Variants in U2SURP observed in about 807,000 individuals in gnomAD.
U2SURP encodes the protein U2 snRNP associated SURP domain containing, also known as U2 snRNP-associated SURP motif-containing protein.
Under a neutral mutation model 144.9 loss-of-function variants are expected in U2SURP, and 9 were observed. The observed-to-expected ratio is 0.06, with a 90% CI of 0.04 to 0.11. The LOEUF (loss-of-function observed/expected upper bound fraction) is 0.11. Ranked by LOEUF, U2SURP falls within the 10% of genes least tolerant of loss-of-function variation. The pLI is 1.00. For synonymous variants in U2SURP, 408 were observed against 396.8 expected (o/e 1.03, Z -0.33); for missense variants, 724 against 1,226.7 (o/e 0.59, Z 6.12).
Position 143,056,445 on chromosome 3 carries a change from C to G in U2SURP, c.3085C>G (p.His1029Asp). ...RSHKKSKKNK[H>D] Reference sequence around the variant, plus strand: ...TCATAAAAAGTCAAAGAAAAACAAACACTGACGTAAATTTTTAAGATGCTG... The same window carrying G: ...TCATAAAAAGTCAAAGAAAAACAAAGACTGACGTAAATTTTTAAGATGCTG... The change falls in exon 28 of 28, where the codon CAC becomes GAC. Residue 1029 changes from histidine (H) to aspartate (D), a missense_variant. Transcript: ENST00000473835. The G allele has an allele frequency of 1.2e-6, 2 of 1,611,798 alleles. No individual in the cohort carries two copies. Among genetic ancestry groups the G allele is most frequent in the Non-Finnish European group, 1.7e-6 (2 of 1,178,926 alleles).
intron 24 of U2SURP, among the ~76,000 whole-genome samples, chr3:143,044,404 T>G (rs1008881275): frequency 2.0e-5 from 3 of 150,662 alleles, no homozygotes; most frequent in African/African-American, 7.3e-5. Context: ...TTCTCCCATG[T>G]CAGCCTCTGG....
chr3:143,056,712 T>C lies in U2SURP; in HGVS notation c.*262T>C. ...TGGATTTCATCAGAAATGTGTATAA[T>C]GGATCTGCTGACAGTAGTAGTATTT... On this transcript the variant is annotated 3_prime_UTR_variant, in exon 28 of 28. Coordinates refer to ENST00000473835, the MANE Select transcript of U2SURP (RefSeq NM_001080415.2). 3.0e-6 allele frequency: 1 copy of C among 336,186 alleles called. No homozygotes were observed. The highest frequency in any genetic ancestry group is 5.5e-6 in the Non-Finnish European group (1 of 181,680). 20.8% of individuals were successfully genotyped at this position (336,186 alleles called of 1,614,324 possible).
chr3:143,037,149 A>G, intron 20 of U2SURP, 30 bp from the exon 21 acceptor site: 1 of 1,593,860 alleles, frequency 6.3e-7, no homozygotes, highest in African/African-American at 1.3e-5. Context: ...CAAGCAAAGG[A>G]AAATGTTATA....
At chr3:143,017,586 C>T (rs1283667363) in intron 6 of U2SURP, among the ~76,000 whole-genome samples, 1 of 151,708 alleles carries the variant, frequency 6.6e-6, no homozygotes, top group African/African-American at 2.4e-5. Flanking sequence ...AAAAAAAACC[C>T]CAGCTTTATT....
In U2SURP at chr3:143,058,338, C is replaced by T. The variant is rs1353516809; in HGVS notation, c.*1888C>T. The T allele has an allele frequency of 6.6e-6, 1 of 151,786 alleles. No individual in the cohort carries two copies. Among genetic ancestry groups the T allele is most frequent in the Admixed American group, 6.6e-5 (1 of 15,206 alleles). 9.4% of individuals were successfully genotyped at this position (151,786 alleles called of 1,614,324 possible). Reference sequence around the variant, plus strand: ...TTATTTCTCTTCAAAAAAAGACATCCTGCGGGATTGAGTAGAAAATTTTAG... The same window carrying T: ...TTATTTCTCTTCAAAAAAAGACATCTTGCGGGATTGAGTAGAAAATTTTAG... On this transcript the variant is annotated 3_prime_UTR_variant, in exon 28 of 28. Transcript: ENST00000473835.
chr3:143,021,393 A>G lies in U2SURP; in HGVS notation c.769+8A>G, dbSNP rs1194558857. The G allele has an allele frequency of 1.9e-6, 3 of 1,604,924 alleles. No individual in the cohort carries two copies. The highest frequency in any genetic ancestry group is 2.7e-5 in the African/African-American group (2 of 74,758). On this transcript the variant is annotated splice_region_variant and intron_variant, in intron 9 of 27. Transcript: ENST00000473835. ...GAAATAGATCATCTGGTGGTAATAC[A>G]GTTTTTTGCTCTTTTAATCGATAAA...
At chr3:143,032,488 A>G (rs567832847) in intron 16 of U2SURP, among the ~76,000 whole-genome samples, 84 of 152,338 alleles carry the variant, frequency 5.5e-4, no homozygotes, top group Non-Finnish European at 9.0e-4. Flanking sequence ...GTATCATGGG[A>G]TGGTAAGACT....
At chr3:143,038,849 C>T (rs751692043) in intron 22 of U2SURP, 45 bp from the exon 23 acceptor site, 1 of 1,417,100 alleles carries the variant, frequency 7.1e-7, no homozygotes, top group Non-Finnish European at 9.5e-7. Context: ...TGAAAAAATG[C>T]TAGTTTACCT....
At chr3:143,044,161 C>G (rs1934272851) in intron 24 of U2SURP, among the ~76,000 whole-genome samples, 1 of 151,950 alleles carries the variant, frequency 6.6e-6, no homozygotes, top group Non-Finnish European at 1.5e-5. Context: ...TTTTTAATGT[C>G]TGTACCATAT....
intron 10 of U2SURP, 140 bp downstream of exon 10, chr3:143,021,695 GC>G: frequency 1.3e-6 from 1 of 769,710 alleles, no homozygotes; most frequent in Non-Finnish European, 2.1e-6. Flanking sequence ...TACTGGTATG[GC>G]CCAGGTTGTC....
intron 6 of U2SURP, 24 bp downstream of exon 6, chr3:143,016,999 C>T: frequency 6.4e-7 from 1 of 1,552,574 alleles, no homozygotes; most frequent in Non-Finnish European, 8.6e-7. Flanking sequence ...AAGTAATTGA[C>T]CATTTATGTT....
rs552368578 is a variant in U2SURP at position 143,037,023 on chromosome 3, T to G, written c.2065-156T>G. ...TTAGATAAATGCACAACTGACTGCT[T>G]CTTTAGCAAACTGGATGATAGAATA... On this transcript the variant is annotated intron_variant, in intron 20 of 27. Coordinates refer to ENST00000473835, the MANE Select transcript of U2SURP (RefSeq NM_001080415.2). The G allele has an allele frequency of 3.7e-5, 26 of 706,986 alleles. No individual in the cohort carries two copies. In the African/African-American group the frequency reaches 4.5e-4, roughly 12 times the overall value. The allele number at this position is 706,986 out of a possible 1,614,324, so 43.8% of individuals were successfully genotyped here.
intron 22 of U2SURP, 143 bp downstream of exon 22, chr3:143,038,346 A>G (rs1933921328): frequency 1.6e-6 from 1 of 617,374 alleles, no homozygotes; most frequent in Non-Finnish European, 2.6e-6. Context: ...TGTCTAATGT[A>G]TGCTTTTATT....
chr3:143,021,977 G>T (rs370925139), intron 10 of U2SURP, among the ~76,000 whole-genome samples: 1 of 151,944 alleles, frequency 6.6e-6, no homozygotes, highest in Non-Finnish European at 1.5e-5. Context: ...ATGTAGTAAC[G>T]GTAGTATATA....
chr3:143,027,670 A>G (rs752621497), intron 14 of U2SURP, among the ~76,000 whole-genome samples: 9 of 152,176 alleles, frequency 5.9e-5, no homozygotes, highest in Admixed American at 3.9e-4. Flanking sequence ...ACTATATTTT[A>G]TCTTCAGGCA....
At chr3:143,053,823 A>T (rs534990975) in intron 26 of U2SURP, 29 bp downstream of exon 26, 2 of 1,526,548 alleles carry the variant, frequency 1.3e-6, no homozygotes, top group African/African-American at 2.8e-5. Flanking sequence ...TTAATTGCAT[A>T]TACTGGTTTC....
intron 1 of U2SURP, among the ~76,000 whole-genome samples, chr3:143,003,652 T>C (rs932015657): frequency 6.6e-6 from 1 of 150,572 alleles, no homozygotes; most frequent in Non-Finnish European, 1.5e-5. Context: ...ACTGCCCAGA[T>C]AGCTGCTTTT....
chr3:143,007,166 A>T (rs1186288707), intron 1 of U2SURP, among the ~76,000 whole-genome samples: 4 of 152,076 alleles, frequency 2.6e-5, no homozygotes, highest in Non-Finnish European at 5.9e-5. Flanking sequence ...GTCCCTCCCC[A>T]CATTTCTACT....
At chr3:143,028,298 T>G in intron 14 of U2SURP, 42 bp from the exon 15 acceptor site, 1 of 1,553,990 alleles carries the variant, frequency 6.4e-7, no homozygotes, top group Non-Finnish European at 8.8e-7. Flanking sequence ...GATAGCTCTT[T>G]GTTAAAGAAT....
Sources: allele counts gnomAD v4.1 joint callset (sites outside exome capture counted in the v4.1 genomes callset), GRCh38; gene constraint gnomAD v4.1.1; transcripts MANE v1.5; gene names NCBI Gene and HGNC (gene_info 2026-07-23, HGNC 2026-07-21).